GM2A: variants seen among roughly 807,000 people sequenced by gnomAD.
GM2A encodes the protein GM2 ganglioside activator.
Under a neutral mutation model 12.9 loss-of-function variants are expected in GM2A, and 7 were observed. The observed-to-expected ratio is 0.54, with a 90% CI of 0.31 to 1.02. The LOEUF (loss-of-function observed/expected upper bound fraction) is 1.02. GM2A is among the 50% of genes least tolerant of loss of function. The probability of loss-of-function intolerance (pLI) is 0.05; values close to 1 mark genes in which losing one functional copy is unlikely to be tolerated. For synonymous variants in GM2A, 101 were observed against 96.0 expected (o/e 1.05, Z -0.30); for missense variants, 246 against 241.0 (o/e 1.02, Z -0.14).
chr5:151,259,683 C>G, intron 1 of GM2A, 72 bp from the exon 2 acceptor site: 1 of 1,462,254 alleles, frequency 6.8e-7, no homozygotes, highest in South Asian at 1.2e-5. Flanking sequence ...GCTCATTTTT[C>G]CTGTGATCTG....
intron 1 of GM2A, among the ~76,000 whole-genome samples, chr5:151,255,007 A>T (rs1215867369): frequency 6.6e-6 from 1 of 152,038 alleles, no homozygotes; most frequent in Non-Finnish European, 1.5e-5. Context: ...TTGTCAATTT[A>T]AAAAAAACCC....
chr5:151,267,141 G>C, intron 3 of GM2A, 155 bp from the exon 4 acceptor site: 3 of 978,586 alleles, frequency 3.1e-6, no homozygotes, highest in Non-Finnish European at 4.8e-6. Context: ...AATAATCCAT[G>C]CTCTACAGTG....
In GM2A at chr5:151,267,983, C is replaced by T; in HGVS notation, c.*532C>T. On this transcript the variant is annotated 3_prime_UTR_variant, in exon 4 of 4. Transcript: ENST00000357164. ...CCTTTCTAGATTTGCCCAATTAATACTAGGGTGCAGTGTATCCTGGAGAGG... is the reference window on the plus strand; with the variant it reads ...CCTTTCTAGATTTGCCCAATTAATATTAGGGTGCAGTGTATCCTGGAGAGG... 1 of 1,119,256 alleles carries T rather than the reference C, an allele frequency of 8.9e-7. No homozygotes were observed. The highest frequency in any genetic ancestry group is 1.1e-6 in the Non-Finnish European group (1 of 909,296). 69.3% of individuals were successfully genotyped at this position (1,119,256 alleles called of 1,614,324 possible). A position where few individuals can be genotyped will look rare whatever the true frequency, so the allele number is the denominator to read the frequency against.
At chr5:151,260,992 A>G (rs1162496363) in intron 2 of GM2A, among the ~76,000 whole-genome samples, 3 of 151,720 alleles carry the variant, frequency 2.0e-5, no homozygotes, top group Non-Finnish European at 2.9e-5. Context: ...TACTTATTCA[A>G]TTTTTTTTTA....
rs2127244287 is a variant in GM2A, at chr5:151,270,372, T to G, written c.*2921T>G. 2.5e-6 allele frequency: 1 copy of G among 398,640 alleles called. No individual in the cohort carries two copies. Among genetic ancestry groups the G allele is most frequent in the Admixed American group, 4.4e-5 (1 of 22,722 alleles). 24.7% of individuals were successfully genotyped at this position (398,640 alleles called of 1,614,324 possible). On this transcript the variant is annotated 3_prime_UTR_variant, in exon 4 of 4. Transcript: ENST00000357164. Reference sequence around the variant, plus strand: ...TTTGACTACATGAAGATAATAAAAATGCTTAGTAAAAACACAATAAAATCA... The same window carrying G: ...TTTGACTACATGAAGATAATAAAAAGGCTTAGTAAAAACACAATAAAATCA...
Position 151,269,424 on chromosome 5 carries a change from C to T in GM2A, c.*1973C>T, listed in dbSNP as rs1478878137. 1.0e-6 allele frequency: 1 copy of T among 985,292 alleles called. No homozygotes were observed. The highest frequency in any genetic ancestry group is 1.2e-6 in the Non-Finnish European group (1 of 829,956). The allele number at this position is 985,292 out of a possible 1,614,324, so 61.0% of individuals were successfully genotyped here. A position where few individuals can be genotyped will look rare whatever the true frequency, so the allele number is the denominator to read the frequency against. On this transcript the variant is annotated 3_prime_UTR_variant, in exon 4 of 4. Transcript: ENST00000357164. ...TTGCTTGTTGTCTCTGCTTCATCGCCATCCAGCTCCCTTGTTTGCTATTTT... is the reference window on the plus strand; with the variant it reads ...TTGCTTGTTGTCTCTGCTTCATCGCTATCCAGCTCCCTTGTTTGCTATTTT...
At chr5:151,256,366 A>C (rs1395636184) in intron 1 of GM2A, among the ~76,000 whole-genome samples, 1 of 152,176 alleles carries the variant, frequency 6.6e-6, no homozygotes, top group East Asian at 1.9e-4. Flanking sequence ...TGGGAGACCA[A>C]GGCAGGCAAA....
chr5:151,270,435 GACAA>G (rs1381236742), exon 4 of GM2A: 23 of 398,046 alleles, frequency 5.8e-5, no homozygotes, highest in East Asian at 7.8e-4. Flanking sequence ...CTATATAATA[GACAA>G]ACAGTTAGTG....
chr5:151,263,395 A>G (rs1022018977), intron 2 of GM2A, among the ~76,000 whole-genome samples: 1 of 151,436 alleles, frequency 6.6e-6, no homozygotes, highest in Non-Finnish European at 1.5e-5. Context: ...ATATATATAT[A>G]TATTTATTTA....
In GM2A at chr5:151,268,119, C is replaced by CGTGA. The variant is rs1753931252; in HGVS notation, c.*670_*673dup. On this transcript the variant is annotated 3_prime_UTR_variant, in exon 4 of 4. Coordinates refer to ENST00000357164, the MANE Select transcript of GM2A (RefSeq NM_000405.5). ...AGAGACTTAAATGACTGATAAGAACCGTGAGAAACATGTTGCTTCCAGGCT... is the reference window on the plus strand; with the variant it reads ...AGAGACTTAAATGACTGATAAGAACCGTGAGTGAGAAACATGTTGCTTCCAGGCT... The CGTGA allele has an allele frequency of 1.0e-6, 1 of 985,970 alleles. No homozygotes were observed. Among genetic ancestry groups the CGTGA allele is most frequent in the South Asian group, 4.7e-5 (1 of 21,430 alleles). The allele number at this position is 985,970 out of a possible 1,614,324, so 61.1% of individuals were successfully genotyped here.
At chr5:151,258,809 G>T (rs1429132023) in intron 1 of GM2A, among the ~76,000 whole-genome samples, 1 of 152,226 alleles carries the variant, frequency 6.6e-6, no homozygotes, top group Non-Finnish European at 1.5e-5. Flanking sequence ...CAGCTTGGGG[G>T]TGTGGGACTG....
Position 151,253,267 on chromosome 5 carries a change from C to A in GM2A, c.51C>A (p.Leu17=). ...TCCTGATCGCCCTGGGCTTGCTTCT[C>A]GCGGCCCCTGCGCAAGCCCACCTGA... is the stretch of plus-strand genomic sequence containing the variant. ...APLLIALGLL[L]AAPAQAHLKK... Residue 17 remains leucine (L), a synonymous_variant, in exon 1 of 4, where the codon CTC becomes CTA. Transcript: ENST00000357164. 6.2e-7 allele frequency: 1 copy of A among 1,613,876 alleles called. No individual in the cohort carries two copies. The highest frequency in any genetic ancestry group is 2.2e-5 in the East Asian group (1 of 44,868).
rs1342760516 is a variant in GM2A, at chr5:151,269,255, C to G, written c.*1804C>G. The G allele has an allele frequency of 1.0e-6, 1 of 985,314 alleles. No homozygotes were observed. Among genetic ancestry groups the G allele is most frequent in the East Asian group, 1.1e-4 (1 of 8,830 alleles). The allele number at this position is 985,314 out of a possible 1,614,324, so 61.0% of individuals were successfully genotyped here. On this transcript the variant is annotated 3_prime_UTR_variant, in exon 4 of 4. Coordinates refer to ENST00000357164, the MANE Select transcript of GM2A (RefSeq NM_000405.5). ...TTAACTTGCGGACAGTTTCCCCTTG[C>G]CTTGGCTGCATATTTCACTGATCAC...
chr5:151,253,241 C>T lies in GM2A; in HGVS notation c.25C>T (p.Leu9Phe), dbSNP rs1339135426. 6.2e-7 allele frequency: 1 copy of T among 1,614,064 alleles called. No homozygotes were observed. Among genetic ancestry groups the T allele is most frequent in the East Asian group, 2.2e-5 (1 of 44,872 alleles). Residue 9 changes from leucine to phenylalanine, a missense_variant, in exon 1 of 4, where the codon CTC becomes TTC. By Grantham distance (22) the Leu-to-Phe change is conservative. Coordinates refer to ENST00000357164, the MANE Select transcript of GM2A (RefSeq NM_000405.5). MQSLMQAP[L>F]LIALGLLLAA... ...GATGCAGTCCCTGATGCAGGCTCCCCTCCTGATCGCCCTGGGCTTGCTTCT... is the reference window on the plus strand; with the variant it reads ...GATGCAGTCCCTGATGCAGGCTCCCTTCCTGATCGCCCTGGGCTTGCTTCT...
intron 1 of GM2A, among the ~76,000 whole-genome samples, chr5:151,257,662 C>A (rs1405139435): frequency 1.3e-5 from 2 of 152,190 alleles, no homozygotes; most frequent in African/African-American, 4.8e-5. Context: ...CTTGTGGGGT[C>A]CTGCATTAAA....
Position 151,264,573 on chromosome 5 carries a change from G to A in GM2A, c.244-2158G>A, listed in dbSNP as rs1315346621. Among the ~76,000 whole-genome samples, 5 of 152,336 alleles carry A rather than the reference G, an allele frequency of 3.3e-5. No homozygotes were observed. The East Asian group carries it at 9.6e-4, about 29-fold the overall frequency. On this transcript the variant is annotated intron_variant, in intron 2 of 3. Coordinates refer to ENST00000357164, the MANE Select transcript of GM2A (RefSeq NM_000405.5). ...AGTATTGGCTAAGGAAAAAGGCAGG[G>A]CAGAAGTCATGGAGGAGGAAGCTTT...
At chr5:151,254,573 T>C (rs1440933498) in intron 1 of GM2A, among the ~76,000 whole-genome samples, 5 of 152,230 alleles carry the variant, frequency 3.3e-5, no homozygotes, top group African/African-American at 1.2e-4. Context: ...ATGTATTATA[T>C]ACAGAAGCTC....
intron 2 of GM2A, 115 bp downstream of exon 2, chr5:151,260,031 A>G (rs766530745): frequency 8.0e-5 from 57 of 709,864 alleles, no homozygotes; most frequent in Non-Finnish European, 1.3e-4. Context: ...TTCCCAGAGA[A>G]TAGTACAGGA....
At position 151,270,283 on chromosome 5, in the gene GM2A, G is replaced by A. The variant is rs1753984649; in HGVS notation, c.*2832G>A. Reference sequence around the variant, plus strand: ...ATCCAGGATCCAAATGTAAGAAAATGAAGCCATATAAATACAGAAGGAAAC... The same window carrying A: ...ATCCAGGATCCAAATGTAAGAAAATAAAGCCATATAAATACAGAAGGAAAC... On this transcript the variant is annotated 3_prime_UTR_variant, in exon 4 of 4. Coordinates refer to ENST00000357164, the MANE Select transcript of GM2A (RefSeq NM_000405.5). The A allele has an allele frequency of 2.4e-6, 1 of 420,646 alleles. No homozygotes were observed. The highest frequency in any genetic ancestry group is 3.6e-5 in the East Asian group (1 of 28,168). 26.1% of individuals were successfully genotyped at this position (420,646 alleles called of 1,614,324 possible). A position where few individuals can be genotyped will look rare whatever the true frequency, so the allele number is the denominator to read the frequency against.
Sources: gnomAD v4.1 joint callset for allele counts (sites outside exome capture counted in the v4.1 genomes callset) on GRCh38, gnomAD v4.1.1 for gene constraint, MANE v1.5 for transcripts, NCBI Gene and HGNC (gene_info 2026-07-23, HGNC 2026-07-21) for gene names.